Variants in MPPED1 observed in about 807,000 individuals in gnomAD.
The protein encoded by MPPED1 is metallophosphoesterase domain containing 1, also known as metallophosphoesterase domain-containing protein 1.
Under a neutral mutation model 36.2 loss-of-function variants are expected in MPPED1, and 16 were observed. The observed-to-expected ratio is 0.44, with a 90% CI of 0.30 to 0.67. MPPED1 has a LOEUF of 0.67. Ranked by LOEUF, MPPED1 falls within the 30% of genes least tolerant of loss-of-function variation. The pLI is 0.10. For synonymous variants in MPPED1, 199 were observed against 191.3 expected, an observed-to-expected ratio of 1.04 and a Z score of -0.33; for missense variants, 307 against 453.4, an observed-to-expected ratio of 0.68 and a Z score of 2.93.
chr22:43,493,264 C>A (rs1932157400), intron 4 of MPPED1, among the ~76,000 whole-genome samples: 1 of 152,226 alleles, frequency 6.6e-6, no homozygotes, highest in Non-Finnish European at 1.5e-5. Context: ...TAGTCCAGGA[C>A]CTGCCAGCAT....
chr22:43,421,100 C>T (rs1413726498), intron 1 of MPPED1, among the ~76,000 whole-genome samples: 6 of 152,222 alleles, frequency 3.9e-5, no homozygotes, highest in South Asian at 2.1e-4. Context: ...CGGCGGGTCC[C>T]GGGGCACCAC....
At chr22:43,504,326 T>C (rs1393587337) in intron 6 of MPPED1, among the ~76,000 whole-genome samples, 1 of 151,924 alleles carries the variant, frequency 6.6e-6, no homozygotes, top group Non-Finnish European at 1.5e-5. Context: ...ATGATCATGA[T>C]GACATCAGTG....
chr22:43,454,488 A>G (rs1930685610), intron 3 of MPPED1, among the ~76,000 whole-genome samples: 1 of 151,904 alleles, frequency 6.6e-6, no homozygotes, highest in African/African-American at 2.4e-5. Flanking sequence ...GAATTTTTGT[A>G]GAGACAAGGT....
At chr22:43,499,611 GTGA>G (rs1357285547) in intron 5 of MPPED1, among the ~76,000 whole-genome samples, 2 of 87,570 alleles carry the variant, frequency 2.3e-5, no homozygotes, top group Non-Finnish European at 4.5e-5. Flanking sequence ...GGTGGTGGTG[GTGA>G]TGGTGGTGGT....
At chr22:43,505,450 C>A in intron 6 of MPPED1, 48 bp from the exon 7 acceptor site, 1 of 1,536,246 alleles carries the variant, frequency 6.5e-7, no homozygotes, top group Non-Finnish European at 8.8e-7. Flanking sequence ...CCCTGGCCAC[C>A]CTCACTACTC....
chr22:43,420,602 A>T (rs972897862), intron 1 of MPPED1, among the ~76,000 whole-genome samples: 4 of 152,048 alleles, frequency 2.6e-5, no homozygotes, highest in Non-Finnish European at 5.9e-5. Flanking sequence ...GGGTTTCTCC[A>T]TGTTGGTCAG....
intron 2 of MPPED1, among the ~76,000 whole-genome samples, chr22:43,425,724 C>T (rs12484468): frequency 0.21 from 32,613 of 152,298 alleles, 4,853 homozygotes; most frequent in East Asian, 0.62. Flanking sequence ...GTCTTGGGCT[C>T]TTTGTTTCCC....
chr22:43,464,522 G>A (rs1359000802), intron 3 of MPPED1, among the ~76,000 whole-genome samples: 2 of 152,116 alleles, frequency 1.3e-5, no homozygotes, highest in Non-Finnish European at 1.5e-5. Flanking sequence ...CCCTTGCCTC[G>A]ATGTTCCCTA....
rs190798197 is a variant in MPPED1 at position 43,434,787 on chromosome 22, G to A, written c.225-247G>A. ...CTTCCCAACAGCCCCCCAACCCGAC[G>A]TTTCCATGTTACAGACAGGGAAACT... On this transcript the variant is annotated intron_variant, in intron 2 of 6. Transcript: ENST00000443721. 7.2e-5 allele frequency among the ~76,000 whole-genome samples: 11 copies of A among 152,306 alleles called. No individual in the cohort carries two copies. The East Asian group carries it at 2.1e-3, about 29-fold the overall frequency.
At chr22:43,419,679 G>A (rs1027057233) in intron 1 of MPPED1, among the ~76,000 whole-genome samples, 1 of 151,742 alleles carries the variant, frequency 6.6e-6, no homozygotes, top group Non-Finnish European at 1.5e-5. Flanking sequence ...TCGGGAGGCC[G>A]GTGTGGTGTG....
At chr22:43,437,957 G>A (rs1930020515) in intron 3 of MPPED1, among the ~76,000 whole-genome samples, 1 of 152,078 alleles carries the variant, frequency 6.6e-6, no homozygotes, top group African/African-American at 2.4e-5. Context: ...TGGACGTGTA[G>A]TCTCAGCTAG....
rs575101825 is a variant in MPPED1, at chr22:43,505,952, GC to G, written c.*337del. The G allele has an allele frequency of 3.0e-4, 66 of 217,752 alleles. 1 individual carries two copies. The highest frequency in any genetic ancestry group is 1.5e-3 in the African/African-American group (66 of 43,808). The allele number at this position is 217,752 out of a possible 1,614,324, so 13.5% of individuals were successfully genotyped here. ...CTTGGACGCCCTCCTGGTTTGGGAAGCTGCTGCTCTTGAATGGGTTTTGGAA... is the reference window on the plus strand; with the variant it reads ...CTTGGACGCCCTCCTGGTTTGGGAAGTGCTGCTCTTGAATGGGTTTTGGAA... On this transcript the variant is annotated 3_prime_UTR_variant, in exon 7 of 7. Transcript: ENST00000443721.
At chr22:43,446,551 G>A (rs1277549693) in intron 3 of MPPED1, among the ~76,000 whole-genome samples, 3 of 152,194 alleles carry the variant, frequency 2.0e-5, no homozygotes, top group South Asian at 2.1e-4. Context: ...GACGGCACAT[G>A]GGAAGATGTG....
At chr22:43,429,910 G>T (rs1929614408) in intron 2 of MPPED1, among the ~76,000 whole-genome samples, 1 of 152,182 alleles carries the variant, frequency 6.6e-6, no homozygotes, top group Admixed American at 6.5e-5. Flanking sequence ...CAGAGGCCAG[G>T]ATGTGGGAAG....
At chr22:43,423,891 C>G (rs1929363371) in intron 1 of MPPED1, among the ~76,000 whole-genome samples, 1 of 152,144 alleles carries the variant, frequency 6.6e-6, no homozygotes, top group Admixed American at 6.5e-5. Flanking sequence ...AAGGCATTTC[C>G]CATTTACACA....
chr22:43,469,485 C>CACTGGAAAACGGAACTGCAGGG (rs1569080008), intron 3 of MPPED1, among the ~76,000 whole-genome samples: 1 of 4,332 alleles, frequency 2.3e-4, no homozygotes, highest in South Asian at 0.01. Context: ...AACTGCAGGG[C>CACTGGAAAACGGAACTGCAGGG]GATGGGAACA....
intron 4 of MPPED1, among the ~76,000 whole-genome samples, chr22:43,479,047 G>A (rs1931664591): frequency 6.6e-6 from 1 of 152,168 alleles, no homozygotes; most frequent in African/African-American, 2.4e-5. Flanking sequence ...TGCTGATCCT[G>A]CCTGGTGTCG....
intron 1 of MPPED1, among the ~76,000 whole-genome samples, chr22:43,416,108 AGT>A (rs1429669687): frequency 2.0e-5 from 3 of 152,162 alleles, no homozygotes; most frequent in Non-Finnish European, 4.4e-5. Context: ...AGCGCTTTTT[AGT>A]GTTTCAGTGT....
intron 4 of MPPED1, among the ~76,000 whole-genome samples, chr22:43,497,560 C>T (rs904046090): frequency 1.3e-5 from 2 of 151,978 alleles, no homozygotes; most frequent in Non-Finnish European, 2.9e-5. Flanking sequence ...ATGTGTTCAC[C>T]ACTGAACTGA....
Sources: allele counts gnomAD v4.1 joint callset (sites outside exome capture counted in the v4.1 genomes callset), GRCh38; gene constraint gnomAD v4.1.1; transcripts MANE v1.5; gene names NCBI Gene and HGNC (gene_info 2026-07-23, HGNC 2026-07-21).